The following TBXAS1 variants were observed in gnomAD, a reference collection of about 807,000 sequenced individuals.
The protein encoded by TBXAS1 is thromboxane-A synthase.
Under a neutral mutation model 60.7 loss-of-function variants are expected in TBXAS1, and 48 were observed. The ratio of observed to expected loss-of-function variants is 0.79; its 90% CI spans 0.63 to 1.01. The LOEUF is 1.01. Among genes scored for constraint, TBXAS1 ranks in the 50% least tolerant of loss-of-function variants. The pLI is 0.00. For missense variants in TBXAS1, 685 were observed against 686.3 expected (o/e 1.00, Z 0.02); for synonymous variants, 287 against 269.7 (o/e 1.06, Z -0.63).
chr7:139,965,430 C>CATTTT (rs1299827303), intron 9 of TBXAS1, among the ~76,000 whole-genome samples: 7 of 152,226 alleles, frequency 4.6e-5, no homozygotes, highest in Admixed American at 2.6e-4. Context: ...CAGGAACCCG[C>CATTTT]ATTTTATTTT....
chr7:139,930,956 G>A (rs1807277151), intron 4 of TBXAS1, among the ~76,000 whole-genome samples: 2 of 152,060 alleles, frequency 1.3e-5, no homozygotes, highest in Admixed American at 1.3e-4. Context: ...ACAACTCCTA[G>A]GTTTGGGGTT....
chr7:139,844,472 A>T (rs923263283), intron 1 of TBXAS1, among the ~76,000 whole-genome samples: 1 of 152,270 alleles, frequency 6.6e-6, no homozygotes, highest in Admixed American at 6.5e-5. Context: ...GCCAGTTGAG[A>T]ATAGCTGATC....
chr7:140,017,121 G>A (rs1815143051), intron 11 of TBXAS1, among the ~76,000 whole-genome samples: 1 of 152,228 alleles, frequency 6.6e-6, no homozygotes, highest in South Asian at 2.1e-4. Context: ...TGGTTCAAGT[G>A]TCCAGTGCAG....
At chr7:139,863,448 T>C (rs1379558559) in intron 1 of TBXAS1, among the ~76,000 whole-genome samples, 1 of 152,188 alleles carries the variant, frequency 6.6e-6, no homozygotes, top group African/African-American at 2.4e-5. Flanking sequence ...AAATCTTGTA[T>C]ATAGGGTGGG....
At chr7:139,942,164 A>T (rs1713321453) in intron 5 of TBXAS1, among the ~76,000 whole-genome samples, 1 of 152,244 alleles carries the variant, frequency 6.6e-6, no homozygotes, top group Admixed American at 6.5e-5. Context: ...GATGAATTTC[A>T]AGCTATGAAT....
At chr7:139,789,968 C>T (rs17161126) in intron 4 of TBXAS1, among the ~76,000 whole-genome samples, 2,418 of 152,258 alleles carry the variant, frequency 0.016, 46 homozygotes, top group African/African-American at 0.051. Flanking sequence ...TAGGTCTGCA[C>T]ACGGAGTCCT....
intron 3 of TBXAS1, among the ~76,000 whole-genome samples, chr7:139,784,524 G>A (rs1035218469): frequency 6.6e-6 from 1 of 152,232 alleles, no homozygotes; most frequent in Non-Finnish European, 1.5e-5. Context: ...TTGGGGCAGG[G>A]GAGGTGGCAC....
intron 3 of TBXAS1, among the ~76,000 whole-genome samples, chr7:139,890,306 T>G (rs953400214): frequency 1.1e-4 from 16 of 143,884 alleles, no homozygotes; most frequent in Non-Finnish European, 2.4e-4. Context: ...AGCTCCGCCT[T>G]CCGGGTTCAC....
At chr7:140,000,404 C>T (rs1326498435) in intron 9 of TBXAS1, among the ~76,000 whole-genome samples, 2 of 152,020 alleles carry the variant, frequency 1.3e-5, no homozygotes, top group African/African-American at 4.8e-5. Flanking sequence ...GTTACTCTGG[C>T]GGCTGAGGCA....
intron 4 of TBXAS1, among the ~76,000 whole-genome samples, chr7:139,807,684 A>T (rs955602558): frequency 1.3e-5 from 2 of 151,876 alleles, no homozygotes; most frequent in African/African-American, 2.4e-5. Flanking sequence ...CGCTCAGCCA[A>T]TTTTTTTCTT....
chr7:139,919,290 G>T (rs556568713), intron 4 of TBXAS1, among the ~76,000 whole-genome samples: 23 of 152,308 alleles, frequency 1.5e-4, no homozygotes, highest in Non-Finnish European at 2.5e-4. Flanking sequence ...TGTAACAGTG[G>T]TACCTAGTCT....
In TBXAS1 at chr7:139,911,183, G is replaced by C; in HGVS notation, c.237-42G>C. 5 of 1,554,458 alleles carry C rather than the reference G, an allele frequency of 3.2e-6. No homozygotes were observed. The South Asian group carries it at 4.4e-5, about 14-fold the overall frequency. On this transcript the variant is annotated intron_variant, in intron 3 of 12. Coordinates refer to ENST00000448866, the MANE Select transcript of TBXAS1 (RefSeq NM_001061.7). ...GAACTCTTTTTTGGAAAGGAGAAAT[G>C]GGTAATGCAACACATTTTAATGCAT... is the stretch of plus-strand genomic sequence containing the variant.
At chr7:139,957,887 A>G in intron 8 of TBXAS1, 123 bp downstream of exon 8, 2 of 1,379,144 alleles carry the variant, frequency 1.5e-6, no homozygotes, top group South Asian at 1.2e-5. Context: ...TCAGCAACCC[A>G]CCACTTACAG....
intron 3 of TBXAS1, among the ~76,000 whole-genome samples, chr7:139,885,745 G>A (rs896983449): frequency 1.3e-5 from 2 of 152,176 alleles, no homozygotes; most frequent in South Asian, 2.1e-4. Flanking sequence ...TTTGTGAGCA[G>A]AGGAACTTTT....
At chr7:139,997,996 G>C (rs570991629) in intron 9 of TBXAS1, among the ~76,000 whole-genome samples, 3 of 152,322 alleles carry the variant, frequency 2.0e-5, no homozygotes, top group African/African-American at 7.2e-5. Flanking sequence ...ACAAGGAAAA[G>C]GATGGATAAA....
chr7:139,848,549 C>T (rs1799983207), intron 1 of TBXAS1, among the ~76,000 whole-genome samples: 1 of 152,148 alleles, frequency 6.6e-6, no homozygotes, highest in South Asian at 2.1e-4. Flanking sequence ...TGGAGTAGCT[C>T]TGTTCCAGTC....
At chr7:140,000,085 A>G (rs1232749273) in intron 9 of TBXAS1, among the ~76,000 whole-genome samples, 1 of 152,248 alleles carries the variant, frequency 6.6e-6, no homozygotes, top group African/African-American at 2.4e-5. Flanking sequence ...AATGATAAAT[A>G]TAGAAAAGAG....
At chr7:139,798,913 T>C (rs1273311032) in intron 4 of TBXAS1, among the ~76,000 whole-genome samples, 1 of 152,172 alleles carries the variant, frequency 6.6e-6, no homozygotes, top group Non-Finnish European at 1.5e-5. Flanking sequence ...TTAGTTCTGG[T>C]TCTGTAACTT....
At chr7:139,928,444 T>C (rs1352097310) in intron 4 of TBXAS1, among the ~76,000 whole-genome samples, 2 of 152,246 alleles carry the variant, frequency 1.3e-5, no homozygotes, top group Non-Finnish European at 2.9e-5. Context: ...CTTGTAAGTC[T>C]TTATCTGGTT....
Sources: allele counts gnomAD v4.1 joint callset (sites outside exome capture counted in the v4.1 genomes callset), GRCh38; gene constraint gnomAD v4.1.1; transcripts MANE v1.5; gene names NCBI Gene and HGNC (gene_info 2026-07-23, HGNC 2026-07-21).